The following CNTNAP2 variants were observed in gnomAD, a reference collection of about 807,000 sequenced individuals.
CNTNAP2 encodes the protein contactin-associated protein-like 2.
Under a neutral mutation model 155.2 loss-of-function variants are expected in CNTNAP2, and 98 were observed. The observed-to-expected ratio is 0.63, with a 90% CI of 0.54 to 0.75. The LOEUF (loss-of-function observed/expected upper bound fraction) is 0.75, where lower values mean the gene tolerates loss of function less well. CNTNAP2 is among the 30% of genes least tolerant of loss of function. CNTNAP2 has a pLI of 0.00. For synonymous variants in CNTNAP2, 651 were observed against 631.2 expected (o/e 1.03, Z -0.47); for missense variants, 1,727 against 1,688.1 (o/e 1.02, Z -0.40).
chr7:146,724,930 G>A (rs189148171), intron 1 of CNTNAP2, among the ~76,000 whole-genome samples: 52 of 152,252 alleles, frequency 3.4e-4, no homozygotes, highest in African/African-American at 1.1e-3. Context: ...CAAAACCACA[G>A]ATTGGGTCAC....
chr7:146,542,920 G>A (rs945326770), intron 1 of CNTNAP2, among the ~76,000 whole-genome samples: 4 of 151,854 alleles, frequency 2.6e-5, no homozygotes, highest in Admixed American at 1.3e-4. Context: ...AAGAGGGGAT[G>A]GGAGTTGGGG....
At chr7:147,202,798 G>T (rs531879958) in intron 8 of CNTNAP2, among the ~76,000 whole-genome samples, 1 of 151,898 alleles carries the variant, frequency 6.6e-6, no homozygotes, top group Non-Finnish European at 1.5e-5. Flanking sequence ...GGCCTGTAGG[G>T]GGGTAGGGGG....
chr7:148,143,889 G>C (rs1226983313), intron 16 of CNTNAP2, among the ~76,000 whole-genome samples: 1 of 152,100 alleles, frequency 6.6e-6, no homozygotes, highest in African/African-American at 2.4e-5. Flanking sequence ...TGTTTCATTG[G>C]CTAGAAGGGA....
intron 15 of CNTNAP2, among the ~76,000 whole-genome samples, chr7:148,021,962 G>A (rs1802286435): frequency 6.6e-6 from 1 of 152,114 alleles, no homozygotes; most frequent in African/African-American, 2.4e-5. Context: ...CTCTGTGGGT[G>A]GAAAGGATGG....
intron 16 of CNTNAP2, among the ~76,000 whole-genome samples, chr7:148,136,472 G>A (rs746829635): frequency 6.6e-6 from 1 of 152,114 alleles, no homozygotes; most frequent in African/African-American, 2.4e-5. Flanking sequence ...ATGAGCATAA[G>A]CTTCTGAGGC....
chr7:146,513,950 GA>G (rs1797504794), intron 1 of CNTNAP2, among the ~76,000 whole-genome samples: 1 of 151,940 alleles, frequency 6.6e-6, no homozygotes, highest in Non-Finnish European at 1.5e-5. Flanking sequence ...TACTTTTACT[GA>G]GTATAGTATG....
intron 17 of CNTNAP2, among the ~76,000 whole-genome samples, chr7:148,156,355 G>A (rs1050788736): frequency 5.3e-5 from 8 of 152,142 alleles, no homozygotes; most frequent in African/African-American, 1.7e-4. Context: ...TCTCTCAGCA[G>A]CATGTCTCCT....
At chr7:146,789,919 A>G (rs901925850) in intron 2 of CNTNAP2, among the ~76,000 whole-genome samples, 2 of 150,958 alleles carry the variant, frequency 1.3e-5, no homozygotes, top group African/African-American at 4.9e-5. Context: ...GTGGATCTAC[A>G]TTTAGTGTGA....
intron 1 of CNTNAP2, among the ~76,000 whole-genome samples, chr7:146,477,156 A>G (rs1796889386): frequency 6.6e-6 from 1 of 152,214 alleles, no homozygotes; most frequent in African/African-American, 2.4e-5. Flanking sequence ...GCAACAACTC[A>G]GTATTTGAAA....
rs919080367 is a variant in CNTNAP2, at chr7:146,244,633, C to T, written c.97+127660C>T. Among the ~76,000 whole-genome samples, 8 of 152,010 alleles carry T rather than the reference C, an allele frequency of 5.3e-5. No individual in the cohort carries two copies. In the East Asian group the frequency reaches 9.7e-4, roughly 18 times the overall value. ...TTCTACTTTTCCTGAAGACGGAGGA[C>T]CATAAAGGATATAAAGGTTTCACTG... On this transcript the variant is annotated intron_variant, in intron 1 of 23. Coordinates refer to ENST00000361727, the MANE Select transcript of CNTNAP2 (RefSeq NM_014141.6).
chr7:147,591,420 C>T (rs933478440), intron 12 of CNTNAP2, among the ~76,000 whole-genome samples: 4 of 152,044 alleles, frequency 2.6e-5, no homozygotes, highest in Non-Finnish European at 5.9e-5. Flanking sequence ...ACCTTCCTGG[C>T]CTCATTTTAG....
At chr7:146,652,822 G>A (rs1799939685) in intron 1 of CNTNAP2, among the ~76,000 whole-genome samples, 2 of 152,086 alleles carry the variant, frequency 1.3e-5, no homozygotes, top group Admixed American at 6.6e-5. Context: ...GTGGTTGGGA[G>A]GAAAAAGAAG....
At chr7:147,737,127 C>G (rs1237187707) in intron 13 of CNTNAP2, among the ~76,000 whole-genome samples, 2 of 152,158 alleles carry the variant, frequency 1.3e-5, no homozygotes, top group Admixed American at 1.3e-4. Context: ...AGTTTTTCTG[C>G]TCTGTTTTTT....
At chr7:147,001,522 T>A (rs945348215) in intron 3 of CNTNAP2, among the ~76,000 whole-genome samples, 53 of 152,084 alleles carry the variant, frequency 3.5e-4, no homozygotes, top group Non-Finnish European at 5.6e-4. Flanking sequence ...GGCTTACCTA[T>A]AAAGAAGGCT....
At chr7:146,150,263 G>A (rs117069141) in intron 1 of CNTNAP2, among the ~76,000 whole-genome samples, 2,520 of 152,176 alleles carry the variant, frequency 0.017, 26 homozygotes, top group Middle Eastern at 0.037. Context: ...CCAATTGTTG[G>A]TGAAGAGGTG....
chr7:146,582,805 A>T (rs945345679), intron 1 of CNTNAP2, among the ~76,000 whole-genome samples: 10 of 151,222 alleles, frequency 6.6e-5, no homozygotes, highest in Admixed American at 1.3e-4. Flanking sequence ...AGGAAAAGAA[A>T]TTTTTTTTGC....
chr7:146,833,025 A>G (rs1403314924), intron 2 of CNTNAP2, among the ~76,000 whole-genome samples: 1 of 152,092 alleles, frequency 6.6e-6, no homozygotes, highest in Non-Finnish European at 1.5e-5. Context: ...TAGATTATAT[A>G]TAATTGGTAG....
At chr7:147,895,287 A>G (rs2710103) in intron 13 of CNTNAP2, among the ~76,000 whole-genome samples, 47,790 of 151,684 alleles carry the variant, frequency 0.32, 7,794 homozygotes, top group African/African-American at 0.4. Context: ...TGGTTTTTTT[A>G]AGTAAGTCTT....
At chr7:147,392,951 C>A (rs1320418016) in intron 9 of CNTNAP2, among the ~76,000 whole-genome samples, 1 of 152,044 alleles carries the variant, frequency 6.6e-6, no homozygotes, top group Admixed American at 6.6e-5. Flanking sequence ...TATGTGTCAC[C>A]TTAAAATTAA....
Sources: allele counts gnomAD v4.1 joint callset (sites outside exome capture counted in the v4.1 genomes callset), GRCh38; gene constraint gnomAD v4.1.1; transcripts MANE v1.5; gene names NCBI Gene and HGNC (gene_info 2026-07-23, HGNC 2026-07-21).